Variants in LANCL1 observed in about 807,000 individuals in gnomAD.
LANCL1 encodes glutathione S-transferase LANCL1.
Under a neutral mutation model 50.6 loss-of-function variants are expected in LANCL1, and 50 were observed. The ratio of observed to expected loss-of-function variants is 0.99; its 90% CI spans 0.79 to 1.25. The LOEUF (loss-of-function observed/expected upper bound fraction) is 1.25, where lower values mean the gene tolerates loss of function less well. Ranked by LOEUF, LANCL1 falls within the 50% of genes most tolerant of loss-of-function variation. The pLI is 0.00. For synonymous variants in LANCL1, 188 were observed against 178.6 expected, an observed-to-expected ratio of 1.05 and a Z score of -0.42; for missense variants, 532 against 480.7, an observed-to-expected ratio of 1.11 and a Z score of -1.00.
chr2:210,444,600 A>G (rs1466634225), intron 4 of LANCL1, among the ~76,000 whole-genome samples: 1 of 152,222 alleles, frequency 6.6e-6, no homozygotes, highest in African/African-American at 2.4e-5. Flanking sequence ...AGGCAACTCA[A>G]ATTAGTTAAA....
intron 5 of LANCL1, 109 bp downstream of exon 5, chr2:210,441,199 C>T (rs1292311704): frequency 2.7e-6 from 3 of 1,123,998 alleles, no homozygotes; most frequent in Non-Finnish European, 3.8e-6. Context: ...TCCAGATACA[C>T]CTTCCTTTAT....
At chr2:210,471,199 A>C (rs1346329348) in intron 3 of LANCL1, among the ~76,000 whole-genome samples, 1 of 151,894 alleles carries the variant, frequency 6.6e-6, no homozygotes, top group Non-Finnish European at 1.5e-5. Context: ...GGTATGAGCC[A>C]CCATGCCCAG....
In LANCL1 at chr2:210,476,241, C is replaced by G. The variant is rs144426750; in HGVS notation, c.81+75G>C. On this transcript the variant is annotated intron_variant, in intron 2 of 9. Transcript: ENST00000450366. ...TTTTTAAAGGGGGATGCTCAACTCT[C>G]TCAGGCAAAAATGAGCACCTTTCCG... 7.8e-3 allele frequency: 7,918 copies of G among 1,021,570 alleles called. 57 individuals carry two copies. The highest frequency in any genetic ancestry group is 9.7e-3 in the Non-Finnish European group (6,435 of 664,200). 63.3% of individuals were successfully genotyped at this position (1,021,570 alleles called of 1,614,324 possible).
At chr2:210,449,338 T>C (rs1053916793) in intron 4 of LANCL1, among the ~76,000 whole-genome samples, 5 of 152,174 alleles carry the variant, frequency 3.3e-5, no homozygotes, top group African/African-American at 9.7e-5. Flanking sequence ...AACTAGGTAT[T>C]GATGGAATGT....
In LANCL1 at chr2:210,441,434, G is replaced by A. The variant is rs201729928; in HGVS notation, c.417C>T (p.His139=). ...GAGCATGAGGATCAATCTTATTTAG[G>A]TGAATTAGCCTAAAAATAAAAATAC... is the stretch of plus-strand genomic sequence containing the variant. The part of the protein sequence containing the change: ...QAEDCITRLI[H]LNKIDPHAPN... Residue 139 remains histidine (H), a synonymous_variant, in exon 5 of 10, where the codon CAC becomes CAT. Coordinates refer to ENST00000450366, the MANE Select transcript of LANCL1 (RefSeq NM_006055.3). The A allele has an allele frequency of 2.8e-4, 453 of 1,606,244 alleles. No homozygotes were observed. In the Middle Eastern group the frequency reaches 3.0e-3, roughly 11 times the overall value.
intron 4 of LANCL1, among the ~76,000 whole-genome samples, chr2:210,450,792 G>A (rs571013985): frequency 2.6e-5 from 4 of 152,222 alleles, no homozygotes; most frequent in Admixed American, 1.3e-4. Context: ...ACCATCTCAA[G>A]CCAGTTAGAA....
At chr2:210,473,193 T>C (rs1694270895) in intron 2 of LANCL1, among the ~76,000 whole-genome samples, 1 of 152,108 alleles carries the variant, frequency 6.6e-6, no homozygotes, top group Non-Finnish European at 1.5e-5. Flanking sequence ...CTGACCAACA[T>C]GGAGAAACCC....
Position 210,476,603 on chromosome 2 carries a change from C to A in LANCL1, c.-17+17G>T. 7.3e-7 allele frequency: 1 copy of A among 1,364,336 alleles called. No homozygotes were observed. 84.5% of individuals were successfully genotyped at this position (1,364,336 alleles called of 1,614,324 possible). On this transcript the variant is annotated intron_variant, in intron 1 of 9. Coordinates refer to ENST00000450366, the MANE Select transcript of LANCL1 (RefSeq NM_006055.3). The stretch of plus-strand genomic sequence containing the variant: ...CATGGCGCCTTCGCGAAAAAGCTGC[C>A]AGGGCCCTTAACCCACCCGGACAAA...
At chr2:210,450,670 G>A (rs534407410) in intron 4 of LANCL1, among the ~76,000 whole-genome samples, 58 of 152,260 alleles carry the variant, frequency 3.8e-4, no homozygotes, top group Middle Eastern at 3.4e-3. Context: ...GTGGGCAAAA[G>A]ATATGAACAG....
intron 4 of LANCL1, chr2:210,442,679 T>G (rs1037750698): frequency 6.6e-6 from 1 of 152,234 alleles, no homozygotes; most frequent in Admixed American, 6.5e-5. Flanking sequence ...GACAGGAATC[T>G]GAAGTAGCAC....
intron 4 of LANCL1, among the ~76,000 whole-genome samples, chr2:210,450,633 A>C (rs1693484648): frequency 2.0e-5 from 3 of 151,706 alleles, no homozygotes. Context: ...ACAAATTTAC[A>C]AGAAAAAAAC....
rs771183919 is a variant in LANCL1, at chr2:210,435,414, G to C, written c.1096C>G (p.Pro366Ala). 20 of 1,613,244 alleles carry C rather than the reference G, an allele frequency of 1.2e-5. No individual in the cohort carries two copies. The highest frequency in any genetic ancestry group is 1.7e-5 in the Admixed American group (1 of 59,986). ...LEYGEHGCRT[P>A]DTPFSLFEGM... is the part of the protein sequence containing the mutation. ...TCAAAGAGAGAGAAAGGGGTGTCTG[G>C]TGTTCTGCATCCATGTTCTCCATAC... Residue 366 changes from proline to alanine, a missense_variant, in exon 9 of 10, where the codon CCA becomes GCA. Coordinates refer to ENST00000450366, the MANE Select transcript of LANCL1 (RefSeq NM_006055.3).
intron 9 of LANCL1, 129 bp from the exon 10 acceptor site, chr2:210,434,692 T>C: frequency 4.2e-6 from 3 of 706,638 alleles, no homozygotes; most frequent in South Asian, 1.8e-5. Flanking sequence ...CACACAAACA[T>C]CAACAAAGGG....
At chr2:210,441,551 T>A in intron 4 of LANCL1, 108 bp from the exon 5 acceptor site, 1 of 787,374 alleles carries the variant, frequency 1.3e-6, no homozygotes, top group Non-Finnish European at 2.0e-6. Flanking sequence ...AATATGTATT[T>A]ATACATATAT....
chr2:210,451,908 T>C (rs1693523318), intron 4 of LANCL1, among the ~76,000 whole-genome samples: 2 of 152,214 alleles, frequency 1.3e-5, no homozygotes, highest in East Asian at 1.9e-4. Flanking sequence ...GAAGACACTA[T>C]GCTAAATGGA....
chr2:210,440,818 T>C, intron 5 of LANCL1, 74 bp from the exon 6 acceptor site: 1 of 1,381,390 alleles, frequency 7.2e-7, no homozygotes, highest in South Asian at 1.4e-5. Flanking sequence ...AAGACTTTTT[T>C]GCTAAGAGGT....
intron 3 of LANCL1, chr2:210,468,227 T>C (rs1392032692): frequency 2.0e-5 from 3 of 149,852 alleles, no homozygotes; most frequent in Non-Finnish European, 3.0e-5. Context: ...TGAATCAAAA[T>C]CCAAATCAAT....
rs1692810205 is a variant in LANCL1, at chr2:210,433,352, ACT to A, written c.*1133_*1134del. 6.6e-6 allele frequency: 1 copy of A among 152,068 alleles called. No individual in the cohort carries two copies. The highest frequency in any genetic ancestry group is 2.1e-4 in the South Asian group (1 of 4,826). The allele number at this position is 152,068 out of a possible 1,614,324, so 9.4% of individuals were successfully genotyped here. ...AAAGATGCATTTGTTCTAAGCATGA[ACT>A]CTGGATAATACCTCCTCAATAAAAA... is the stretch of plus-strand genomic sequence containing the variant. On this transcript the variant is annotated 3_prime_UTR_variant, in exon 10 of 10. Coordinates refer to ENST00000450366, the MANE Select transcript of LANCL1 (RefSeq NM_006055.3).
In LANCL1 at chr2:210,458,669, C is replaced by A. The variant is rs151034903; in HGVS notation, c.200-3355G>T. ...AAGATGTCAAAATGCCTCCCGATGA[C>A]TAACTTCAACAGCTAAATGGAAAAT... On this transcript the variant is annotated intron_variant, in intron 3 of 9. Coordinates refer to ENST00000450366, the MANE Select transcript of LANCL1 (RefSeq NM_006055.3). Among the ~76,000 whole-genome samples the A allele has an allele frequency of 2.2e-3, 335 of 152,244 alleles. 1 individual carries two copies. Among genetic ancestry groups the A allele is most frequent in the African/African-American group, 7.8e-3 (323 of 41,544 alleles).
Sources: allele counts gnomAD v4.1 joint callset (sites outside exome capture counted in the v4.1 genomes callset), GRCh38; gene constraint gnomAD v4.1.1; transcripts MANE v1.5; gene names NCBI Gene and HGNC (gene_info 2026-07-23, HGNC 2026-07-21).